The following HK1 variants were observed in gnomAD, a reference collection of about 807,000 sequenced individuals.
HK1 encodes hexokinase 1, also known as hexokinase-1.
Under a neutral mutation model 91.6 loss-of-function variants are expected in HK1, and 28 were observed. That is an observed-to-expected ratio of 0.31 (90% CI 0.23 to 0.42). The LOEUF (loss-of-function observed/expected upper bound fraction) is 0.42. Among genes scored for constraint, HK1 ranks in the 10% least tolerant of loss-of-function variants. HK1 has a pLI of 1.00. For missense variants in HK1, 770 were observed against 1,219.8 expected, an observed-to-expected ratio of 0.63 and a Z score of 5.49; for synonymous variants, 430 against 468.1, an observed-to-expected ratio of 0.92 and a Z score of 1.05.
intron 17 of HK1, 96 bp downstream of exon 17, chr10:69,398,924 C>A (rs998667120): frequency 5.5e-6 from 5 of 914,544 alleles, no homozygotes; most frequent in Non-Finnish European, 8.7e-6. Flanking sequence ...AAATGCCCTG[C>A]GGGAGCCCAG....
chr10:69,344,960 CA>C, intron 2 of HK1, among the ~76,000 whole-genome samples: 1 of 152,108 alleles, frequency 6.6e-6, no homozygotes, highest in Non-Finnish European at 1.5e-5. Context: ...AGCTTTCACA[CA>C]CCCCTGCGAT....
intron 9 of HK1, among the ~76,000 whole-genome samples, chr10:69,382,168 A>G (rs1463452730): frequency 1.3e-5 from 2 of 152,192 alleles, no homozygotes; most frequent in Non-Finnish European, 2.9e-5. Context: ...GCGGGTGGAT[A>G]GCTTGAACCT....
chr10:69,338,308 G>A, intron 1 of HK1: 3 of 1,180,742 alleles, frequency 2.5e-6, no homozygotes, highest in Non-Finnish European at 3.2e-6. Context: ...CGGGTTCTCA[G>A]GCAAGAGTCT....
intron 1 of HK1, among the ~76,000 whole-genome samples, chr10:69,325,892 T>C (rs1847337970): frequency 6.6e-6 from 1 of 150,954 alleles, no homozygotes; most frequent in South Asian, 2.1e-4. Flanking sequence ...TGTAGTACAG[T>C]AGCACGATCT....
chr10:69,369,370 G>T lies in HK1; in HGVS notation c.691+34G>T, dbSNP rs377131485. The T allele has an allele frequency of 6.2e-7, 1 of 1,613,456 alleles. No homozygotes were observed. The highest frequency in any genetic ancestry group is 1.1e-5 in the South Asian group (1 of 91,076). On this transcript the variant is annotated intron_variant, in intron 6 of 17. Transcript: ENST00000359426. This position sits in a 1 kb window ranked among gnomAD's most constrained non-coding sequence, Gnocchi z 4.4. ...TTCCCCTTTGCCCATCCATTTGTTC[G>T]GCCCATCTTTCCAGGTGGCTCTGCA... is the stretch of plus-strand genomic sequence containing the variant.
At chr10:69,334,741 C>G (rs1471534812) in intron 1 of HK1, among the ~76,000 whole-genome samples, 2 of 152,158 alleles carry the variant, frequency 1.3e-5, no homozygotes, top group African/African-American at 2.4e-5. Flanking sequence ...CCCTGGCACT[C>G]ACGGTCTAGC....
chr10:69,339,578 T>C (rs1365024070), intron 1 of HK1, among the ~76,000 whole-genome samples: 2 of 152,250 alleles, frequency 1.3e-5, no homozygotes, highest in East Asian at 3.8e-4. Flanking sequence ...GTCTGCAGCC[T>C]GCTTTTTGAT....
chr10:69,371,135 A>G (rs1053326589), intron 7 of HK1, among the ~76,000 whole-genome samples: 1 of 152,210 alleles, frequency 6.6e-6, no homozygotes, highest in African/African-American at 2.4e-5. Context: ...GATTTTCATC[A>G]ATGGCGAGCT....
At chr10:69,359,793 A>G (rs1473422978) in intron 2 of HK1, 104 bp from the exon 3 acceptor site, 13 of 1,050,342 alleles carry the variant, frequency 1.2e-5, no homozygotes, top group African/African-American at 9.3e-5. Context: ...AGCATGTGGC[A>G]GGGGGAGGCA....
chr10:69,345,970 T>C (rs1040752626), intron 2 of HK1, among the ~76,000 whole-genome samples: 1 of 152,184 alleles, frequency 6.6e-6, no homozygotes, highest in African/African-American at 2.4e-5. Flanking sequence ...GTTCAGTTCA[T>C]GTGCCCCAGA....
intron 3 of HK1, among the ~76,000 whole-genome samples, chr10:69,291,590 G>A (rs1325348635): frequency 2.6e-5 from 4 of 152,136 alleles, no homozygotes; most frequent in Non-Finnish European, 4.4e-5. Context: ...GCAGATCCAG[G>A]ACATAAACTC....
chr10:69,306,084 C>T (rs529149384), intron 5 of HK1, among the ~76,000 whole-genome samples: 132 of 151,628 alleles, frequency 8.7e-4, no homozygotes, highest in Middle Eastern at 3.4e-3. Flanking sequence ...GGGCTGGGCA[C>T]GGTGGCTCAC....
chr10:69,307,847 C>CT (rs147435234), intron 5 of HK1, among the ~76,000 whole-genome samples: 8 of 151,184 alleles, frequency 5.3e-5, no homozygotes, highest in South Asian at 2.1e-4. Flanking sequence ...ATTTTCTTTT[C>CT]TTTTTTTTTG....
At chr10:69,371,718 G>T (rs1850015820) in intron 7 of HK1, among the ~76,000 whole-genome samples, 2 of 152,206 alleles carry the variant, frequency 1.3e-5, no homozygotes, top group Admixed American at 6.5e-5. Flanking sequence ...TCTCTCTGCT[G>T]TCCATTGATG....
chr10:69,350,899 C>G (rs10998735), intron 2 of HK1, among the ~76,000 whole-genome samples: 20,086 of 150,816 alleles, frequency 0.13, 1,519 homozygotes, highest in South Asian at 0.26. Flanking sequence ...GGCCGGGCGC[C>G]GTGGCTCACG....
At chr10:69,270,335 C>T (rs1238328326) in intron 1 of HK1, among the ~76,000 whole-genome samples, 1 of 151,826 alleles carries the variant, frequency 6.6e-6, no homozygotes. Context: ...AATCCCTGCA[C>T]TTTGGGAGGC....
At chr10:69,352,564 G>A (rs1283563912) in intron 2 of HK1, among the ~76,000 whole-genome samples, 2 of 152,192 alleles carry the variant, frequency 1.3e-5, no homozygotes, top group African/African-American at 4.8e-5. Context: ...ACTGATCCAC[G>A]CTACAGCATG....
At chr10:69,352,598 C>T (rs911223968) in intron 2 of HK1, among the ~76,000 whole-genome samples, 7 of 152,200 alleles carry the variant, frequency 4.6e-5, no homozygotes, top group South Asian at 2.1e-4. Flanking sequence ...AACCTTATGC[C>T]GGGTGAAAGA....
Position 69,393,271 on chromosome 10 carries a change from G to A in HK1, c.2219+963G>A, listed in dbSNP as rs554739132. Among the ~76,000 whole-genome samples, 226 of 151,932 alleles carry A rather than the reference G, an allele frequency of 1.5e-3. 1 individual carries two copies. The highest frequency in any genetic ancestry group is 5.2e-3 in the African/African-American group (214 of 41,442). On this transcript the variant is annotated intron_variant, in intron 15 of 17. Transcript: ENST00000359426. ...GCTGGGATTACAGGTGTGAGCCACC[G>A]CAACCAGCCCTTATAGTCTTTTTCT...
Sources: gnomAD v4.1 joint callset for allele counts (sites outside exome capture counted in the v4.1 genomes callset) on GRCh38, gnomAD v4.1.1 for gene constraint, Gnocchi (gnomAD v3.1) non-coding constraint, MANE v1.5 for transcripts, NCBI Gene and HGNC (gene_info 2026-07-23, HGNC 2026-07-21) for gene names.